The following NEDD4 variants were observed in gnomAD, a reference collection of about 807,000 sequenced individuals.
NEDD4 encodes the protein NEDD4 E3 ubiquitin protein ligase.
NEDD4 carries 99 observed loss-of-function variants against 144.9 expected under a neutral mutation model. That is an observed-to-expected ratio of 0.68 (90% CI 0.58 to 0.81). The LOEUF (loss-of-function observed/expected upper bound fraction) is 0.81, where lower values mean the gene tolerates loss of function less well. Among genes scored for constraint, NEDD4 ranks in the 30% least tolerant of loss-of-function variants. The probability of loss-of-function intolerance (pLI) is 0.00; values close to 1 mark genes in which losing one functional copy is unlikely to be tolerated. For missense variants in NEDD4, 985 were observed against 1,065.9 expected, an observed-to-expected ratio of 0.92 and a Z score of 1.06; for synonymous variants, 318 against 350.6, an observed-to-expected ratio of 0.91 and a Z score of 1.04.
intron 14 of NEDD4, 114 bp from the exon 15 acceptor site, chr15:55,849,000 G>T: frequency 1.3e-6 from 1 of 796,132 alleles, no homozygotes; most frequent in Non-Finnish European, 2.1e-6. Context: ...TCTTGTAAAA[G>T]TCAATTTATA....
At chr15:55,887,536 A>C (rs547006716) in intron 5 of NEDD4, among the ~76,000 whole-genome samples, 2 of 152,330 alleles carry the variant, frequency 1.3e-5, no homozygotes, top group South Asian at 4.1e-4. Flanking sequence ...CAATGGCTTC[A>C]CTGATGAATT....
At chr15:55,886,584 G>A (rs1214707655) in intron 5 of NEDD4, among the ~76,000 whole-genome samples, 1 of 152,064 alleles carries the variant, frequency 6.6e-6, no homozygotes, top group Non-Finnish European at 1.5e-5. Flanking sequence ...CCAACATGGT[G>A]AAACCCCATC....
intron 7 of NEDD4, 82 bp downstream of exon 7, chr15:55,872,333 C>G (rs1370522262): frequency 2.2e-6 from 1 of 464,436 alleles, no homozygotes; most frequent in South Asian, 4.4e-5. Flanking sequence ...GGTTTAAACC[C>G]TGAATTTCTA....
intron 4 of NEDD4, 71 bp from the exon 5 acceptor site, chr15:55,924,770 A>G: frequency 6.8e-7 from 1 of 1,468,652 alleles, no homozygotes; most frequent in Admixed American, 1.9e-5. Flanking sequence ...ATAAATGCTT[A>G]AAGATGCTGC....
chr15:55,861,937 T>TA (rs1753280643), intron 9 of NEDD4, among the ~76,000 whole-genome samples: 1 of 152,116 alleles, frequency 6.6e-6, no homozygotes, highest in African/African-American at 2.4e-5. Context: ...TCCCCCTAAA[T>TA]ATATGATTTT....
rs140362771 is a variant in NEDD4, at chr15:55,861,654, A to G, written c.675-876T>C. ...TATCAAAACCTCTCATGTACCCCACAAACATATATACCTACTAGGGACCCA... is the reference window on the plus strand; with the variant it reads ...TATCAAAACCTCTCATGTACCCCACGAACATATATACCTACTAGGGACCCA... On this transcript the variant is annotated intron_variant, in intron 9 of 28. Transcript: ENST00000435532. Among the ~76,000 whole-genome samples the G allele has an allele frequency of 6.5e-4, 99 of 152,228 alleles. 1 individual carries two copies. The East Asian group carries it at 0.016, about 24-fold the overall frequency.
chr15:55,839,991 AAAAAAAAAATATATATATATATATATAT>A lies in NEDD4; in HGVS notation c.2031+428_2031+455del, dbSNP rs1370848220. Among the ~76,000 whole-genome samples the A allele has an allele frequency of 7.0e-3, 397 of 56,784 alleles. 15 individuals are homozygous for A. Among genetic ancestry groups the A allele is most frequent in the East Asian group, 0.016 (28 of 1,710 alleles). The allele number at this position is 56,784 out of a possible 152,430, so 37.3% of individuals were successfully genotyped here. On this transcript the variant is annotated intron_variant, in intron 21 of 28. Transcript: ENST00000435532. ...TCTGTCTCAAAAAAAAAAAAAAAAA[AAAAAAAAAATATATATATATATATATAT>A]ATATATATATATATATATATATAAC...
At chr15:55,903,824 CAAAAAA>C in intron 5 of NEDD4, among the ~76,000 whole-genome samples, 1 of 73,556 alleles carries the variant, frequency 1.4e-5, no homozygotes, top group South Asian at 4.9e-4. Flanking sequence ...GACTCCATCT[CAAAAAA>C]AAAAAAAAAA....
At chr15:55,869,450 A>G (rs2034695975) in intron 8 of NEDD4, 129 bp downstream of exon 8, 5 of 598,962 alleles carry the variant, frequency 8.3e-6, no homozygotes, top group Non-Finnish European at 1.4e-5. Flanking sequence ...TGCTTGGGTG[A>G]AATAAACATC....
At position 55,850,599 on chromosome 15, in the gene NEDD4, C is replaced by A. The variant is rs745928639; in HGVS notation, c.1290G>T (p.Arg430=). ...QGFLPKGWEV[R]HAPNGRPFFI... ...AGAAAGGCCTCCCATTTGGTGCATG[C>A]CGGACTTCCCAGCCTTTAGGAAGGA... Residue 430 remains arginine (R), a synonymous_variant, in exon 14 of 29, where the codon CGG becomes CGT. Transcript: ENST00000435532. 2 of 1,614,124 alleles carry A rather than the reference C, an allele frequency of 1.2e-6. No individual in the cohort carries two copies. The highest frequency in any genetic ancestry group is 1.3e-5 in the African/African-American group (1 of 75,024).
chr15:55,835,420 G>GTTT lies in NEDD4; in HGVS notation c.2263-1137_2263-1135dup, dbSNP rs56792157. On this transcript the variant is annotated intron_variant, in intron 24 of 28. Transcript: ENST00000435532. ...TATTTCCTTTGCAGTCTCCTGTTCT[G>GTTT]TTTTTTTTTTTTTTTTTTTCCCATG... Among the ~76,000 whole-genome samples, 790 of 108,326 alleles carry GTTT rather than the reference G, an allele frequency of 7.3e-3. 20 individuals are homozygous for GTTT. Among genetic ancestry groups the GTTT allele is most frequent in the African/African-American group, 0.025 (723 of 28,718 alleles). The allele number at this position is 108,326 out of a possible 152,430, so 71.1% of individuals were successfully genotyped here.
intron 27 of NEDD4, among the ~76,000 whole-genome samples, chr15:55,831,479 G>A (rs1172441737): frequency 4.6e-5 from 7 of 152,250 alleles, no homozygotes; most frequent in Non-Finnish European, 7.4e-5. Context: ...TGTTTGCCCT[G>A]CCTTCATTTT....
At chr15:55,922,007 G>C (rs1211070648) in intron 5 of NEDD4, among the ~76,000 whole-genome samples, 1 of 152,166 alleles carries the variant, frequency 6.6e-6, no homozygotes, top group African/African-American at 2.4e-5. Context: ...CAATGATCAG[G>C]CAAAATTCAC....
chr15:55,969,371 G>A (rs2037570292), intron 1 of NEDD4, among the ~76,000 whole-genome samples: 1 of 152,166 alleles, frequency 6.6e-6, no homozygotes, highest in African/African-American at 2.4e-5. Flanking sequence ...CATAAGGACT[G>A]CAGTCCCTGA....
chr15:55,975,064 T>G (rs2037677936), intron 1 of NEDD4, among the ~76,000 whole-genome samples: 1 of 151,804 alleles, frequency 6.6e-6, no homozygotes, highest in African/African-American at 2.4e-5. Flanking sequence ...GGGTAATTTT[T>G]GTATTTTTAG....
intron 1 of NEDD4, among the ~76,000 whole-genome samples, chr15:55,972,018 T>G (rs1415682193): frequency 6.6e-6 from 1 of 152,128 alleles, no homozygotes; most frequent in Non-Finnish European, 1.5e-5. Flanking sequence ...GAATAGTATA[T>G]CCGGTGAAAA....
intron 4 of NEDD4, among the ~76,000 whole-genome samples, chr15:55,943,839 C>G (rs1416234846): frequency 6.6e-6 from 1 of 152,168 alleles, no homozygotes; most frequent in African/African-American, 2.4e-5. Context: ...CACTGTTTGC[C>G]TGCAAAACCC....
intron 5 of NEDD4, among the ~76,000 whole-genome samples, chr15:55,882,188 A>C (rs2035217733): frequency 6.6e-6 from 1 of 152,206 alleles, no homozygotes; most frequent in South Asian, 2.1e-4. Context: ...AATCACACAA[A>C]AAGCACCTTC....
chr15:55,911,352 A>C (rs1359455810), intron 5 of NEDD4, among the ~76,000 whole-genome samples: 2 of 151,908 alleles, frequency 1.3e-5, no homozygotes, highest in African/African-American at 4.8e-5. Context: ...CTGCCCTAGA[A>C]TCTCTTTGAT....
Sources: gnomAD v4.1 joint callset for allele counts (sites outside exome capture counted in the v4.1 genomes callset) on GRCh38, gnomAD v4.1.1 for gene constraint, MANE v1.5 for transcripts, NCBI Gene and HGNC (gene_info 2026-07-23, HGNC 2026-07-21) for gene names.